HSD11B1: variants seen among roughly 807,000 people sequenced by gnomAD.
The protein encoded by HSD11B1 is 11-beta-hydroxysteroid dehydrogenase 1.
In HSD11B1, 15 loss-of-function variants were observed where a neutral mutation model predicts 22.1. That is an observed-to-expected ratio of 0.68 (90% confidence interval 0.45 to 1.04). The LOEUF is 1.04. Among genes scored for constraint, HSD11B1 ranks in the 50% least tolerant of loss-of-function variants. The pLI is 0.00. For synonymous variants in HSD11B1, 122 were observed against 125.2 expected, an observed-to-expected ratio of 0.97 and a Z score of 0.17; for missense variants, 281 against 357.6, an observed-to-expected ratio of 0.79 and a Z score of 1.73.
intron 4 of HSD11B1, among the ~76,000 whole-genome samples, 165 bp from the exon 5 acceptor site, chr1:209,732,271 A>G (rs896069142): frequency 6.6e-6 from 1 of 152,202 alleles, no homozygotes; most frequent in East Asian, 1.9e-4. Flanking sequence ...CGATACCTTA[A>G]TGTTTTCAAA....
At position 209,707,741 on chromosome 1, in the gene HSD11B1, C is replaced by T. The variant is rs75434305; in HGVS notation, c.517+613C>T. Among the ~76,000 whole-genome samples the T allele has an allele frequency of 3.3e-3, 506 of 152,280 alleles. 13 individuals are homozygous for T. In the East Asian group the frequency reaches 0.041, roughly 12 times the overall value. ...GGGACTTGAGAGGCTGCTGGAGGTACAGCTTGTCCTGGTCCTAAGTGAGAG... is the reference window on the plus strand; with the variant it reads ...GGGACTTGAGAGGCTGCTGGAGGTATAGCTTGTCCTGGTCCTAAGTGAGAG... On this transcript the variant is annotated intron_variant, in intron 4 of 5. Coordinates refer to ENST00000367027, the MANE Select transcript of HSD11B1 (RefSeq NM_005525.4).
intron 4 of HSD11B1, among the ~76,000 whole-genome samples, chr1:209,713,280 G>A (rs979671844): frequency 6.6e-5 from 10 of 152,000 alleles, no homozygotes; most frequent in African/African-American, 2.4e-4. Flanking sequence ...TATATCTCTG[G>A]AAGGACATTT....
chr1:209,719,585 G>A (rs568032638), intron 4 of HSD11B1, among the ~76,000 whole-genome samples: 35 of 152,278 alleles, frequency 2.3e-4, no homozygotes, highest in South Asian at 2.1e-4. Context: ...AGGCCCCGGC[G>A]TGTGATGTTC....
intron 4 of HSD11B1, among the ~76,000 whole-genome samples, chr1:209,729,363 AACAC>A (rs34574844): frequency 0.012 from 1,785 of 146,398 alleles, 16 homozygotes; most frequent in South Asian, 0.031. Context: ...TGCCTCGGAA[AACAC>A]ACACACACAC....
chr1:209,722,386 C>T (rs577774735), intron 4 of HSD11B1, among the ~76,000 whole-genome samples: 1 of 152,302 alleles, frequency 6.6e-6, no homozygotes, highest in South Asian at 2.1e-4. Context: ...CCCTCTCAGT[C>T]TCTTAGGTTT....
At chr1:209,697,725 A>G (rs996618311) in intron 1 of HSD11B1, among the ~76,000 whole-genome samples, 3 of 152,096 alleles carry the variant, frequency 2.0e-5, no homozygotes, top group Non-Finnish European at 4.4e-5. Flanking sequence ...CCAGATGGCT[A>G]TCAGTAGGCA....
At chr1:209,688,388 A>G (rs941712345) in intron 1 of HSD11B1, among the ~76,000 whole-genome samples, 2 of 152,134 alleles carry the variant, frequency 1.3e-5, no homozygotes, top group African/African-American at 4.8e-5. Flanking sequence ...CTATTATAGT[A>G]TACATCACGC....
chr1:209,726,950 G>T (rs1018273573), intron 4 of HSD11B1, among the ~76,000 whole-genome samples: 2 of 152,150 alleles, frequency 1.3e-5, no homozygotes, highest in African/African-American at 4.8e-5. Context: ...TCATCTAGGG[G>T]TGTGTAGTGG....
rs965533275 is a variant in HSD11B1 at position 209,704,874 on chromosome 1, A to G, written c.-69A>G. On this transcript the variant is annotated 5_prime_UTR_variant, in exon 1 of 6. Transcript: ENST00000367027. ...ATTCAGAGGCTGCTGCCTGCTTAGG[A>G]GGTTGTAGAAAGCTCTGTAGGTTCT... is the stretch of plus-strand genomic sequence containing the variant. The G allele has an allele frequency of 6.8e-6, 8 of 1,169,156 alleles. No individual in the cohort carries two copies. In the African/African-American group the frequency reaches 1.2e-4, roughly 18 times the overall value. The allele number at this position is 1,169,156 out of a possible 1,614,324, so 72.4% of individuals were successfully genotyped here.
chr1:209,707,349 G>T (rs1443252260), intron 4 of HSD11B1, among the ~76,000 whole-genome samples: 1 of 152,108 alleles, frequency 6.6e-6, no homozygotes, highest in Non-Finnish European at 1.5e-5. Context: ...ACAAAGTAAG[G>T]TCAAAGGGAC....
intron 1 of HSD11B1, among the ~76,000 whole-genome samples, chr1:209,689,732 C>T (rs2076748173): frequency 6.6e-6 from 1 of 152,222 alleles, no homozygotes; most frequent in South Asian, 2.1e-4. Context: ...CTAAGGCCCT[C>T]ACCAGGTGGA....
At chr1:209,690,319 A>G (rs1414814479) in intron 1 of HSD11B1, among the ~76,000 whole-genome samples, 3 of 152,194 alleles carry the variant, frequency 2.0e-5, no homozygotes, top group Non-Finnish European at 4.4e-5. Context: ...AAATAATAAT[A>G]ATAAGATAAA....
At chr1:209,701,558 T>A (rs1228330684), upstream of HSD11B1, among the ~76,000 whole-genome samples, 1 of 152,198 alleles carries the variant, frequency 6.6e-6, no homozygotes, top group Non-Finnish European at 1.5e-5. Context: ...CGTTGCAGTG[T>A]TATTCTCCCA....
chr1:209,710,392 C>T (rs2076887588), intron 4 of HSD11B1, among the ~76,000 whole-genome samples: 1 of 152,154 alleles, frequency 6.6e-6, no homozygotes, highest in Admixed American at 6.5e-5. Flanking sequence ...ACGGACAAAC[C>T]CTGTCTTCCT....
At chr1:209,705,078 A>C (rs2076848555) in intron 1 of HSD11B1, 48 bp downstream of exon 1, 1 of 1,443,650 alleles carries the variant, frequency 6.9e-7, no homozygotes, top group East Asian at 2.3e-5. Context: ...TAAAAAACAC[A>C]GGGGTGCTTG....
chr1:209,709,971 C>A, intron 4 of HSD11B1, among the ~76,000 whole-genome samples: 1 of 147,930 alleles, frequency 6.8e-6, no homozygotes, highest in Non-Finnish European at 1.5e-5. Context: ...CACACACACA[C>A]ACAAAAGACT....
chr1:209,732,508 T>G lies in HSD11B1; in HGVS notation c.590T>G (p.Ile197Ser). 1 of 1,613,908 alleles carries G rather than the reference T, an allele frequency of 6.2e-7. No homozygotes were observed. Among genetic ancestry groups the G allele is most frequent in the Non-Finnish European group, 8.5e-7 (1 of 1,179,788 alleles). The change falls in exon 5 of 6, where the codon ATC (isoleucine) becomes AGC (serine). Residue 197 changes from isoleucine (I) to serine (S), a missense_variant. Physicochemically the swap from Ile to Ser is moderately radical, Grantham distance 142. Transcript: ENST00000367027. Reference protein sequence around the residue: ...KFALDGFFSSIRKEYSVSRVN... With the variant: ...KFALDGFFSSSRKEYSVSRVN... ...GCTTTGGATGGGTTCTTCTCCTCCA[T>G]CAGAAAGGAATATTCAGTGTCCAGG...
At chr1:209,712,481 A>T (rs1400430336) in intron 4 of HSD11B1, among the ~76,000 whole-genome samples, 2 of 152,230 alleles carry the variant, frequency 1.3e-5, no homozygotes, top group East Asian at 3.8e-4. Flanking sequence ...TAATCTAAAG[A>T]TGATTTAAAG....
chr1:209,716,127 A>G (rs1425497578), intron 4 of HSD11B1, among the ~76,000 whole-genome samples: 2 of 152,236 alleles, frequency 1.3e-5, no homozygotes, highest in African/African-American at 4.8e-5. Context: ...TCCAAACTAG[A>G]AAACAGGAAG....
Sources: gnomAD v4.1 joint callset for allele counts (sites outside exome capture counted in the v4.1 genomes callset) on GRCh38, gnomAD v4.1.1 for gene constraint, MANE v1.5 for transcripts, NCBI Gene and HGNC (gene_info 2026-07-23, HGNC 2026-07-21) for gene names.